The following SORBS2 variants were observed in gnomAD, a reference collection of about 807,000 sequenced individuals.
SORBS2 encodes sorbin and SH3 domain containing 2, also known as sorbin and SH3 domain-containing protein 2.
A neutral mutation model predicts 97.7 loss-of-function variants in SORBS2; 46 were observed. That is an observed-to-expected ratio of 0.47 (90% CI 0.37 to 0.60). SORBS2 has a LOEUF of 0.60. Ranked by LOEUF, SORBS2 falls within the 20% of genes least tolerant of loss-of-function variation. The pLI is 0.00. For synonymous variants in SORBS2, 476 were observed against 473.4 expected, an observed-to-expected ratio of 1.01 and a Z score of -0.07; for missense variants, 1,316 against 1,282.3, an observed-to-expected ratio of 1.03 and a Z score of -0.40.
chr4:185,836,939 C>T (rs2099208427), intron 1 of SORBS2, among the ~76,000 whole-genome samples: 1 of 152,198 alleles, frequency 6.6e-6, no homozygotes. Flanking sequence ...ACAAAGATAG[C>T]TAAGCTGCCT....
chr4:185,620,627 A>C (rs998903097), intron 7 of SORBS2, among the ~76,000 whole-genome samples: 8 of 152,172 alleles, frequency 5.3e-5, no homozygotes, highest in Non-Finnish European at 7.4e-5. Context: ...AAAGAGATAA[A>C]ACCAAAGAAA....
At chr4:185,810,769 A>G (rs1192079994) in intron 1 of SORBS2, 1 of 152,186 alleles carries the variant, frequency 6.6e-6, no homozygotes, top group Non-Finnish European at 1.5e-5. Context: ...TCCTCCTGCA[A>G]TTCGGGGTCT....
intron 11 of SORBS2, among the ~76,000 whole-genome samples, chr4:185,613,173 G>A (rs777553659): frequency 2.8e-4 from 43 of 152,160 alleles, no homozygotes; most frequent in Non-Finnish European, 4.3e-4. Context: ...CTCGGGCAGC[G>A]GCACCTGATG....
intron 1 of SORBS2, among the ~76,000 whole-genome samples, chr4:185,859,522 A>G (rs1206723211): frequency 6.6e-6 from 1 of 151,792 alleles, no homozygotes; most frequent in East Asian, 1.9e-4. Context: ...CTGCAAGATC[A>G]CTCTTCCCTA....
chr4:185,936,638 C>T (rs1188063930), intron 1 of SORBS2, among the ~76,000 whole-genome samples: 1 of 152,180 alleles, frequency 6.6e-6, no homozygotes, highest in Non-Finnish European at 1.5e-5. Context: ...AGTGTGATAA[C>T]CATAAATCCC....
intron 1 of SORBS2, among the ~76,000 whole-genome samples, chr4:185,804,891 C>T (rs559605024): frequency 6.6e-6 from 1 of 152,068 alleles, no homozygotes; most frequent in East Asian, 1.9e-4. Context: ...TTGAAAAGGT[C>T]TTCCCAGACT....
chr4:185,750,272 C>G (rs1342421883), intron 2 of SORBS2, among the ~76,000 whole-genome samples: 1 of 152,168 alleles, frequency 6.6e-6, no homozygotes, highest in East Asian at 1.9e-4. Flanking sequence ...CAATTATGAA[C>G]AAATTGTAAA....
At chr4:185,847,653 G>A (rs1026923886) in intron 1 of SORBS2, among the ~76,000 whole-genome samples, 5 of 152,036 alleles carry the variant, frequency 3.3e-5, no homozygotes, top group Non-Finnish European at 5.9e-5. Flanking sequence ...TGCTGTAGAC[G>A]GCAGCAACGA....
chr4:185,742,138 C>G (rs574343609), intron 2 of SORBS2, among the ~76,000 whole-genome samples: 102 of 152,332 alleles, frequency 6.7e-4, no homozygotes, highest in African/African-American at 2.2e-3. Context: ...CTCTCAGGGG[C>G]CAGCCCTGGC....
intron 4 of SORBS2, chr4:185,645,902 A>G (rs1471544525): frequency 6.6e-6 from 1 of 152,242 alleles, no homozygotes; most frequent in Non-Finnish European, 1.5e-5. Flanking sequence ...AAGAAGGCCA[A>G]GGGAAGACCT....
chr4:185,794,883 G>A (rs67432506), intron 1 of SORBS2, among the ~76,000 whole-genome samples: 8,422 of 152,124 alleles, frequency 0.055, 347 homozygotes, highest in African/African-American at 0.11. Context: ...CAGACCTCTG[G>A]CCTGGGGAGA....
intron 2 of SORBS2, among the ~76,000 whole-genome samples, chr4:185,691,905 C>CG (rs931984395): frequency 4.6e-5 from 7 of 152,118 alleles, no homozygotes; most frequent in Non-Finnish European, 1.0e-4. Flanking sequence ...CCACCACGCT[C>CG]GGATAATTTC....
At position 185,635,423 on chromosome 4, in the gene SORBS2, C is replaced by A. The variant is rs116186949; in HGVS notation, c.397-4825G>T. ...GGCTTTTTAGGAGGCTGGGTGTAGA[C>A]GCACCACAGAAGCAGAAGTGTAGGG... On this transcript the variant is annotated intron_variant, in intron 4 of 14. Coordinates refer to ENST00000418609, the Ensembl canonical transcript of SORBS2. The A allele has an allele frequency of 6.2e-7, 1 of 1,608,524 alleles. No homozygotes were observed. The highest frequency in any genetic ancestry group is 1.3e-5 in the African/African-American group (1 of 74,676).
At chr4:185,788,967 G>A (rs1011807830) in intron 1 of SORBS2, among the ~76,000 whole-genome samples, 2 of 152,144 alleles carry the variant, frequency 1.3e-5, no homozygotes, top group Admixed American at 1.3e-4. Context: ...TAACCACAAG[G>A]GTGCTGGAAA....
chr4:185,779,328 T>C (rs529292227), intron 1 of SORBS2, among the ~76,000 whole-genome samples: 1 of 152,278 alleles, frequency 6.6e-6, no homozygotes, highest in South Asian at 2.1e-4. Context: ...TTTATTGGGT[T>C]GTTGTGAGGG....
intron 1 of SORBS2, among the ~76,000 whole-genome samples, chr4:185,936,279 G>A (rs78590484): frequency 0.074 from 11,225 of 152,244 alleles, 699 homozygotes; most frequent in African/African-American, 0.18. Flanking sequence ...GGTTTATCCT[G>A]GCTCTGGTTG....
At chr4:185,907,039 G>A (rs1448622734) in intron 1 of SORBS2, among the ~76,000 whole-genome samples, 1 of 152,078 alleles carries the variant, frequency 6.6e-6, no homozygotes, top group East Asian at 1.9e-4. Context: ...AGGAGGCTGA[G>A]GCAGGAGACC....
At chr4:185,905,719 C>T (rs1179628616) in intron 1 of SORBS2, among the ~76,000 whole-genome samples, 1 of 152,124 alleles carries the variant, frequency 6.6e-6, no homozygotes, top group Non-Finnish European at 1.5e-5. Context: ...CCACCTCAGC[C>T]TCCCAAAGCA....
At chr4:185,760,390 C>T (rs974305180) in intron 2 of SORBS2, among the ~76,000 whole-genome samples, 1 of 152,150 alleles carries the variant, frequency 6.6e-6, no homozygotes. Flanking sequence ...GGTGAAACCC[C>T]ATCTCTACTA....
Sources: allele counts gnomAD v4.1 joint callset (sites outside exome capture counted in the v4.1 genomes callset), GRCh38; gene constraint gnomAD v4.1.1; transcripts MANE v1.5; gene names NCBI Gene and HGNC (gene_info 2026-07-23, HGNC 2026-07-21).